Variants in TTC19 observed in about 807,000 individuals in gnomAD.
TTC19 encodes tetratricopeptide repeat domain 19.
Under a neutral mutation model 49.5 loss-of-function variants are expected in TTC19, and 38 were observed. The observed-to-expected ratio is 0.77, with a 90% CI of 0.59 to 1.01. TTC19 has a LOEUF of 1.01. Ranked by LOEUF, TTC19 falls within the 50% of genes least tolerant of loss-of-function variation. TTC19 has a pLI of 0.00. For synonymous variants in TTC19, 204 were observed against 185.2 expected (o/e 1.10, Z -0.83); for missense variants, 475 against 477.7 (o/e 0.99, Z 0.05).
At chr17:16,023,870 A>G (rs1174747183) in intron 7 of TTC19, 1 of 152,252 alleles carries the variant, frequency 6.6e-6, no homozygotes, top group African/African-American at 2.4e-5. Flanking sequence ...ACTCTATGCC[A>G]CTTGTAAGAT....
In TTC19 at chr17:16,006,268, G is replaced by A. The variant is rs1970904302; in HGVS notation, c.582-206G>A. On this transcript the variant is annotated intron_variant, in intron 6 of 9. Coordinates refer to ENST00000261647, the MANE Select transcript of TTC19 (RefSeq NM_017775.4). ...TTACCAAAAATACAAAAATTAGCTG[G>A]GCATAGTGGCGGGCACCTGTAATCC... Among the ~76,000 whole-genome samples, 3 of 152,122 alleles carry A rather than the reference G, an allele frequency of 2.0e-5. No homozygotes were observed. In the South Asian group the frequency reaches 6.2e-4, roughly 31 times the overall value.
intron 2 of TTC19, chr17:16,040,648 A>ATT (rs761392010): frequency 1.5e-4 from 93 of 636,006 alleles, no homozygotes; most frequent in Middle Eastern, 7.8e-4. Context: ...AAATGGAAGT[A>ATT]TTTTTTTTTT....
At chr17:16,031,458 A>G (rs1042898336), downstream of TTC19, 9 of 197,324 alleles carry the variant, frequency 4.6e-5, no homozygotes, top group Non-Finnish European at 7.3e-5. Flanking sequence ...GGGCTGCATC[A>G]AATGCAGGAG....
At chr17:16,002,092 C>T (rs1355323664) in intron 3 of TTC19, 67 bp downstream of exon 3, 1 of 1,044,354 alleles carries the variant, frequency 9.6e-7, no homozygotes, top group African/African-American at 1.6e-5. Context: ...GTAGTTAGTT[C>T]TTCTGATTTA....
At chr17:16,035,376 G>A (rs9908031) in intron 2 of TTC19, among the ~76,000 whole-genome samples, 71,566 of 151,786 alleles carry the variant, frequency 0.47, 17,612 homozygotes, top group Middle Eastern at 0.57. Context: ...TGTCATTTCA[G>A]CCATGTTCAC....
intron 6 of TTC19, 57 bp downstream of exon 6, chr17:16,004,319 T>C (rs1970829596): frequency 1.3e-6 from 2 of 1,496,366 alleles, no homozygotes; most frequent in Non-Finnish European, 1.9e-6. Context: ...CTCTGGGATG[T>C]TACATAATAT....
intron 8 of TTC19, 23 bp from the exon 9 acceptor site, chr17:16,026,517 A>G (rs1567587662): frequency 2.5e-6 from 4 of 1,613,040 alleles, no homozygotes; most frequent in Admixed American, 1.7e-5. Context: ...TAAAGAAAAA[A>G]TTGTTTTTTC....
chr17:16,036,494 C>T (rs920547620), intron 2 of TTC19, among the ~76,000 whole-genome samples: 5 of 152,206 alleles, frequency 3.3e-5, no homozygotes, highest in African/African-American at 1.2e-4. Context: ...AAGTTTTGGA[C>T]TCTTCCAGTA....
intron 7 of TTC19, among the ~76,000 whole-genome samples, chr17:16,008,281 A>G (rs1970969945): frequency 6.6e-6 from 1 of 152,182 alleles, no homozygotes. Flanking sequence ...GTCATCTCAT[A>G]CTTAACATGT....
intron 2 of TTC19, among the ~76,000 whole-genome samples, chr17:16,043,826 ATAGAT>A (rs1297030356): frequency 1.3e-5 from 2 of 152,210 alleles, no homozygotes; most frequent in Admixed American, 6.5e-5. Context: ...GCTGTAAATA[ATAGAT>A]TAAACTGTTG....
At chr17:16,036,694 T>C (rs144018221) in intron 2 of TTC19, among the ~76,000 whole-genome samples, 10 of 152,340 alleles carry the variant, frequency 6.6e-5, no homozygotes, top group Non-Finnish European at 1.5e-4. Context: ...AGCCTTCTCA[T>C]CTGTGGCTTC....
At chr17:16,022,246 T>C (rs1971407715) in intron 7 of TTC19, among the ~76,000 whole-genome samples, 1 of 152,202 alleles carries the variant, frequency 6.6e-6, no homozygotes, top group African/African-American at 2.4e-5. Flanking sequence ...CTCTCCACTT[T>C]GGGTTTTAGC....
At chr17:16,033,945 C>G (rs7225639), downstream of TTC19, among the ~76,000 whole-genome samples, 2,775 of 152,262 alleles carry the variant, frequency 0.018, 82 homozygotes, top group African/African-American at 0.063. Context: ...ATCTGCCCGC[C>G]TCAGCCTCCC....
chr17:16,039,335 G>A (rs148178590), intron 2 of TTC19: 7 of 1,182,490 alleles, frequency 5.9e-6, no homozygotes, highest in Non-Finnish European at 7.2e-6. Context: ...AGCACATAAA[G>A]ACATAAATGA....
chr17:16,006,403 T>TC, intron 6 of TTC19, 71 bp from the exon 7 acceptor site: 1 of 1,147,858 alleles, frequency 8.7e-7, no homozygotes, highest in South Asian at 1.2e-5. Flanking sequence ...AGAGCGAAAC[T>TC]CCATCTCAAC....
At position 16,027,442 on chromosome 17, in the gene TTC19, A is replaced by G. The variant is rs372717953; in HGVS notation, c.1063A>G (p.Ile355Val). ...GCAAGCAAAGCTGAAAAAAGATGAA[A>G]TTTCTGTACAACACATCAGGGAAGA... Reference protein sequence around the residue: ...LKQAKLKKDEISVQHIREELA... With the variant: ...LKQAKLKKDEVSVQHIREELA... The change falls in exon 10 of 10, where the codon ATT becomes GTT. Residue 355 changes from isoleucine (I) to valine (V), a missense_variant. Physicochemically the swap from Ile to Val is conservative, Grantham distance 29 (BLOSUM62 3). Transcript: ENST00000261647. The G allele has an allele frequency of 4.8e-5, 77 of 1,614,038 alleles. No individual in the cohort carries two copies. The highest frequency in any genetic ancestry group is 2.7e-5 in the African/African-American group (2 of 74,932).
In TTC19 at chr17:16,018,819, T is replaced by C. The variant is rs139263160; in HGVS notation, c.677-6198T>C. Among the ~76,000 whole-genome samples the C allele has an allele frequency of 1.2e-3, 176 of 152,360 alleles. 3 individuals carry two copies. The highest frequency in any genetic ancestry group is 4.1e-3 in the African/African-American group (171 of 41,588). On this transcript the variant is annotated intron_variant, in intron 7 of 9. Coordinates refer to ENST00000261647, the MANE Select transcript of TTC19 (RefSeq NM_017775.4). ...CATCACGCCTGGCTTCCCTCTGATG[T>C]AATTTTTTAAAATTAGATTTCAAAC...
At position 16,025,093 on chromosome 17, in the gene TTC19, GCAGCCGTCA is replaced by G; in HGVS notation, c.757_765del (p.Pro253_Gln255del). 1 of 1,613,932 alleles carries G rather than the reference GCAGCCGTCA, an allele frequency of 6.2e-7. No homozygotes were observed. Among genetic ancestry groups the G allele is most frequent in the Non-Finnish European group, 8.5e-7 (1 of 1,179,858 alleles). On this transcript the variant is annotated inframe_deletion, in exon 8 of 10. Transcript: ENST00000261647. The stretch of plus-strand genomic sequence containing the variant: ...GTGCTCGCTACCTTCTGTTCTCCAA[GCAGCCGTCA>G]CAGGCACAAAGGATGTATGAAAAAG...
At chr17:16,011,470 GC>G (rs1206285427) in intron 7 of TTC19, among the ~76,000 whole-genome samples, 2 of 152,228 alleles carry the variant, frequency 1.3e-5, no homozygotes, top group Non-Finnish European at 2.9e-5. Context: ...ACCGCGCCCG[GC>G]CGCGTTATAT....
Sources: gnomAD v4.1 joint callset for allele counts (sites outside exome capture counted in the v4.1 genomes callset) on GRCh38, gnomAD v4.1.1 for gene constraint, MANE v1.5 for transcripts, NCBI Gene and HGNC (gene_info 2026-07-23, HGNC 2026-07-21) for gene names.